Variants in APBB2 observed in about 807,000 individuals in gnomAD.
APBB2 encodes Fe65-like 1.
In APBB2, 38 loss-of-function variants were observed where a neutral mutation model predicts 82.5. That is an observed-to-expected ratio of 0.46 (90% CI 0.36 to 0.60). APBB2 has a LOEUF of 0.60. APBB2 is among the 20% of genes least tolerant of loss of function. The pLI is 0.00. For missense variants in APBB2, 772 were observed against 972.3 expected, an observed-to-expected ratio of 0.79 and a Z score of 2.74; for synonymous variants, 341 against 368.2, an observed-to-expected ratio of 0.93 and a Z score of 0.85.
intron 6 of APBB2, among the ~76,000 whole-genome samples, chr4:40,946,232 CAAAAAAAAAAAA>C (rs55995119): frequency 3.8e-5 from 3 of 78,724 alleles, no homozygotes; most frequent in Non-Finnish European, 7.1e-5. Context: ...ACTCTATCTC[CAAAAAAAAAAAA>C]AAAAAAAAAA....
At chr4:41,112,891 G>A (rs1292035518) in intron 2 of APBB2, among the ~76,000 whole-genome samples, 2 of 152,104 alleles carry the variant, frequency 1.3e-5, no homozygotes, top group Non-Finnish European at 2.9e-5. Flanking sequence ...GGAGGCTGAG[G>A]CAGAAGAACT....
chr4:41,117,730 G>A (rs1484693188), intron 2 of APBB2, among the ~76,000 whole-genome samples: 3 of 152,266 alleles, frequency 2.0e-5, no homozygotes, highest in South Asian at 2.1e-4. Flanking sequence ...ATTCCTAAGC[G>A]CTAGTGTGGT....
intron 1 of APBB2, among the ~76,000 whole-genome samples, chr4:41,156,835 A>G (rs917207386): frequency 3.9e-5 from 6 of 152,068 alleles, no homozygotes; most frequent in African/African-American, 1.4e-4. Context: ...TGAGGCCAAG[A>G]CGGATGAATC....
At chr4:41,205,511 G>C (rs372579064) in intron 1 of APBB2, among the ~76,000 whole-genome samples, 1 of 152,116 alleles carries the variant, frequency 6.6e-6, no homozygotes, top group African/African-American at 2.4e-5. Flanking sequence ...AGGGATGAAA[G>C]GCAAAGCTAT....
intron 4 of APBB2, among the ~76,000 whole-genome samples, chr4:41,037,458 C>T (rs1399350888): frequency 2.0e-5 from 3 of 151,960 alleles, no homozygotes; most frequent in Non-Finnish European, 4.4e-5. Flanking sequence ...TTAGAATTTC[C>T]AGGGTTAGAT....
intron 1 of APBB2, among the ~76,000 whole-genome samples, chr4:41,204,470 A>G (rs952360560): frequency 2.4e-4 from 36 of 152,216 alleles, no homozygotes; most frequent in Non-Finnish European, 1.0e-4. Context: ...TTAAGGAACC[A>G]TAAGATAGAG....
intron 4 of APBB2, among the ~76,000 whole-genome samples, chr4:41,050,083 C>T (rs1173980132): frequency 6.6e-6 from 1 of 151,804 alleles, no homozygotes; most frequent in African/African-American, 2.4e-5. Flanking sequence ...TGCCAAATCC[C>T]CCTCTGCGAG....
rs138885725 is a variant in APBB2 at position 40,901,831 on chromosome 4, A to G, written c.1255-8420T>C. ...CGCTCGGCCACACTTCAGGGATTTTATTAAGGGTCCACGGACCTGGGAGAT... is the reference window on the plus strand; with the variant it reads ...CGCTCGGCCACACTTCAGGGATTTTGTTAAGGGTCCACGGACCTGGGAGAT... On this transcript the variant is annotated intron_variant, in intron 10 of 17. Coordinates refer to ENST00000508593, the MANE Select transcript of APBB2 (RefSeq NM_004307.2). 3.2e-3 allele frequency among the ~76,000 whole-genome samples: 492 copies of G among 151,882 alleles called. 4 individuals carry two copies. Among genetic ancestry groups the G allele is most frequent in the African/African-American group, 0.011 (435 of 41,366 alleles).
Position 41,101,470 on chromosome 4 carries a change from C to CA in APBB2, c.-260-721dup, listed in dbSNP as rs150527764. ...TGGGCGACAGAGCGAGACTCCGTCTCAAAAAAAAAAAAAAAAAAAAAAAAA... is the reference window on the plus strand; with the variant it reads ...TGGGCGACAGAGCGAGACTCCGTCTCAAAAAAAAAAAAAAAAAAAAAAAAAA... On this transcript the variant is annotated intron_variant, in intron 2 of 17. Transcript: ENST00000508593. Among the ~76,000 whole-genome samples, 480 of 72,504 alleles carry CA rather than the reference C, an allele frequency of 6.6e-3. 49 individuals carry two copies. The highest frequency in any genetic ancestry group is 0.054 in the East Asian group (73 of 1,350). 47.6% of individuals were successfully genotyped at this position (72,504 alleles called of 152,430 possible). A position where few individuals can be genotyped will look rare whatever the true frequency, so the allele number is the denominator to read the frequency against.
At chr4:41,043,592 A>G (rs1722312227) in intron 4 of APBB2, among the ~76,000 whole-genome samples, 1 of 152,202 alleles carries the variant, frequency 6.6e-6, no homozygotes. Context: ...TACAAAGAAA[A>G]CACCCATAAC....
At chr4:40,970,478 T>G (rs1279264144) in intron 6 of APBB2, among the ~76,000 whole-genome samples, 1 of 152,138 alleles carries the variant, frequency 6.6e-6, no homozygotes, top group African/African-American at 2.4e-5. Context: ...CCTTTTTTTT[T>G]GAACCAAAGG....
intron 12 of APBB2, among the ~76,000 whole-genome samples, chr4:40,885,361 T>C (rs1411926765): frequency 6.6e-6 from 1 of 152,146 alleles, no homozygotes; most frequent in Non-Finnish European, 1.5e-5. Flanking sequence ...TATAACCTTA[T>C]AAGGGGGATA....
At chr4:40,917,028 C>T (rs1179354902) in intron 10 of APBB2, among the ~76,000 whole-genome samples, 1 of 152,168 alleles carries the variant, frequency 6.6e-6, no homozygotes, top group Non-Finnish European at 1.5e-5. Flanking sequence ...GTGGCCAGGG[C>T]TCTCACTCAG....
At chr4:41,137,121 T>G (rs1297679832) in intron 2 of APBB2, among the ~76,000 whole-genome samples, 3 of 152,212 alleles carry the variant, frequency 2.0e-5, no homozygotes, top group African/African-American at 7.2e-5. Context: ...TCATAAAACA[T>G]ATACAACTAC....
intron 1 of APBB2, among the ~76,000 whole-genome samples, chr4:41,151,932 G>C (rs760574556): frequency 4.6e-5 from 7 of 151,992 alleles, no homozygotes; most frequent in East Asian, 1.9e-4. Context: ...ATATACATTA[G>C]ATCTTCAAAT....
At chr4:40,941,095 C>G (rs891383742) in intron 7 of APBB2, among the ~76,000 whole-genome samples, 1 of 151,646 alleles carries the variant, frequency 6.6e-6, no homozygotes, top group Non-Finnish European at 1.5e-5. Context: ...CAGTTCTAAA[C>G]TTTTGTGAAG....
chr4:41,048,833 G>A (rs922522786), intron 4 of APBB2, among the ~76,000 whole-genome samples: 9 of 152,136 alleles, frequency 5.9e-5, no homozygotes, highest in Non-Finnish European at 2.9e-5. Context: ...CTGCCACGCC[G>A]GACTAGTTTT....
intron 12 of APBB2, among the ~76,000 whole-genome samples, chr4:40,841,008 G>A (rs1047205652): frequency 6.6e-6 from 1 of 152,078 alleles, no homozygotes; most frequent in Non-Finnish European, 1.5e-5. Flanking sequence ...CCCCCGCCAG[G>A]GTCTCCTCAA....
intron 3 of APBB2, among the ~76,000 whole-genome samples, chr4:41,097,590 T>A (rs1743951246): frequency 6.6e-6 from 1 of 152,198 alleles, no homozygotes; most frequent in Non-Finnish European, 1.5e-5. Flanking sequence ...TGCTGCATAC[T>A]CATTTAGGGT....
Sources: allele counts gnomAD v4.1 joint callset (sites outside exome capture counted in the v4.1 genomes callset), GRCh38; gene constraint gnomAD v4.1.1; transcripts MANE v1.5; gene names NCBI Gene and HGNC (gene_info 2026-07-23, HGNC 2026-07-21).